Variants in GRAMD1B observed in about 807,000 individuals in gnomAD.
GRAMD1B encodes the protein GRAM domain containing 1B.
Under a neutral mutation model 99.7 loss-of-function variants are expected in GRAMD1B, and 37 were observed. The ratio of observed to expected loss-of-function variants is 0.37; its 90% CI spans 0.29 to 0.49. GRAMD1B has a LOEUF of 0.49. Among genes scored for constraint, GRAMD1B ranks in the 20% least tolerant of loss-of-function variants. The pLI is 0.98. For missense variants in GRAMD1B, 888 were observed against 1,009.2 expected (o/e 0.88, Z 1.63); for synonymous variants, 427 against 387.6 (o/e 1.10, Z -1.19).
rs1004895390 is a variant in GRAMD1B at position 123,480,978 on chromosome 11, T to C, written c.452+85T>C. 1.5e-5 allele frequency: 6 copies of C among 397,890 alleles called. No individual in the cohort carries two copies. In the Admixed American group the frequency reaches 1.8e-4, roughly 12 times the overall value. The allele number at this position is 397,890 out of a possible 1,614,324, so 24.6% of individuals were successfully genotyped here. ...TTTGAGGAAGATTGTGCCTCTGCTC[T>C]GTGCAAAAAAATGTGGAAAACTGAA... On this transcript the variant is annotated intron_variant, in intron 2 of 19. Coordinates refer to ENST00000635736, the MANE Select transcript of GRAMD1B (RefSeq NM_001387025.1).
Position 123,603,235 on chromosome 11 carries a change from C to T in GRAMD1B, c.1051-191C>T, listed in dbSNP as rs140922672. Reference sequence around the variant, plus strand: ...CAGTTCCTGGCTTTGTTAAAGTCCACATTCCTAGGCAGAAGACTGGTGTCC... The same window carrying T: ...CAGTTCCTGGCTTTGTTAAAGTCCATATTCCTAGGCAGAAGACTGGTGTCC... On this transcript the variant is annotated intron_variant, in intron 8 of 19. Transcript: ENST00000635736. Among the ~76,000 whole-genome samples the T allele has an allele frequency of 1.8e-3, 280 of 152,346 alleles. 1 individual carries two copies. Among genetic ancestry groups the T allele is most frequent in the Admixed American group, 0.013 (196 of 15,304 alleles).
chr11:123,609,878 C>G lies in GRAMD1B; in HGVS notation c.1741C>G (p.Leu581Val). The stretch of plus-strand genomic sequence containing the variant: ...TTACACCATCACCCTTACCAACCCT[C>G]TGGCTCCCAAAACTGCCACTGTCAG... ...ILYTITLTNP[L>V]APKTATVRET... is the part of the protein sequence containing the mutation. The change falls in exon 13 of 20, where the codon CTG (leucine) becomes GTG (valine). Residue 581 changes from leucine (L) to valine (V), a missense_variant. Around this residue, in one of 5 missense-constraint regions of GRAMD1B, gnomAD observed 92 missense variants for 156.9 expected, o/e 0.59. Coordinates refer to ENST00000635736, the MANE Select transcript of GRAMD1B (RefSeq NM_001387025.1). The G allele has an allele frequency of 6.3e-7, 1 of 1,598,136 alleles. No homozygotes were observed. Among genetic ancestry groups the G allele is most frequent in the Non-Finnish European group, 8.5e-7 (1 of 1,171,802 alleles).
chr11:123,565,034 CA>C (rs1247250917), intron 2 of GRAMD1B, among the ~76,000 whole-genome samples: 1 of 151,634 alleles, frequency 6.6e-6, no homozygotes, highest in Non-Finnish European at 1.5e-5. Context: ...AATGTAATTT[CA>C]TATTTTATTT....
chr11:123,583,430 T>G (rs1282367829), intron 3 of GRAMD1B, among the ~76,000 whole-genome samples: 1 of 151,914 alleles, frequency 6.6e-6, no homozygotes, highest in Non-Finnish European at 1.5e-5. Context: ...GTGTGTGTAC[T>G]TGTGTATTTG....
intron 1 of GRAMD1B, among the ~76,000 whole-genome samples, chr11:123,409,583 G>T (rs1947970228): frequency 6.6e-6 from 1 of 152,110 alleles, no homozygotes; most frequent in Non-Finnish European, 1.5e-5. Flanking sequence ...TTCGTCTTTG[G>T]TTTTTAAAAT....
chr11:123,619,289 G>C, intron 19 of GRAMD1B, 65 bp downstream of exon 19: 1 of 1,542,304 alleles, frequency 6.5e-7, no homozygotes, highest in South Asian at 1.2e-5. Context: ...CCCTTATGCT[G>C]TGAGAAAGAT....
intron 3 of GRAMD1B, among the ~76,000 whole-genome samples, chr11:123,582,625 G>A (rs894735184): frequency 6.6e-6 from 1 of 152,176 alleles, no homozygotes; most frequent in Non-Finnish European, 1.5e-5. Context: ...CCCCACCCAC[G>A]CGAGGCCCCT....
chr11:123,477,215 CT>C (rs1951325822), intron 1 of GRAMD1B, among the ~76,000 whole-genome samples: 1 of 16,244 alleles, frequency 6.2e-5, no homozygotes, highest in African/African-American at 6.3e-4. Flanking sequence ...CCCCTCCCCC[CT>C]CCCCCTCCTC....
At chr11:123,378,906 G>A (rs992191369) in intron 1 of GRAMD1B, among the ~76,000 whole-genome samples, 5 of 152,128 alleles carry the variant, frequency 3.3e-5, no homozygotes, top group Non-Finnish European at 5.9e-5. Context: ...AATGTAACAG[G>A]TGTGACAGGC....
chr11:123,361,887 T>G (rs1946158374), intron 1 of GRAMD1B, among the ~76,000 whole-genome samples: 1 of 152,206 alleles, frequency 6.6e-6, no homozygotes, highest in Non-Finnish European at 1.5e-5. Flanking sequence ...GAAAGTATCT[T>G]AGGAAACGGG....
At chr11:123,390,420 C>G (rs1034255501) in intron 1 of GRAMD1B, among the ~76,000 whole-genome samples, 5 of 152,182 alleles carry the variant, frequency 3.3e-5, no homozygotes, top group African/African-American at 1.2e-4. Context: ...CCTTGAATCC[C>G]TCTTCTCCTC....
intron 1 of GRAMD1B, among the ~76,000 whole-genome samples, chr11:123,433,563 A>G (rs138790977): frequency 6.6e-6 from 1 of 152,136 alleles, no homozygotes; most frequent in Admixed American, 6.5e-5. Context: ...TTGTGGTGTG[A>G]GGATCACATG....
chr11:123,604,420 A>G (rs1952423041), intron 9 of GRAMD1B, among the ~76,000 whole-genome samples: 1 of 152,222 alleles, frequency 6.6e-6, no homozygotes, highest in African/African-American at 2.4e-5. Context: ...GAAGTGAAGC[A>G]GAAGGTATTG....
intron 1 of GRAMD1B, among the ~76,000 whole-genome samples, chr11:123,423,950 C>T (rs1948553519): frequency 6.6e-6 from 1 of 152,154 alleles, no homozygotes; most frequent in Non-Finnish European, 1.5e-5. Flanking sequence ...TAAACGCCTC[C>T]TTTCTCCCCT....
chr11:123,504,880 C>T (rs1417211810), intron 2 of GRAMD1B, among the ~76,000 whole-genome samples: 1 of 152,124 alleles, frequency 6.6e-6, no homozygotes, highest in African/African-American at 2.4e-5. Context: ...TGGGGTTTCA[C>T]CATGTTGGCC....
At chr11:123,425,144 T>G (rs1248618844) in intron 1 of GRAMD1B, among the ~76,000 whole-genome samples, 1 of 152,220 alleles carries the variant, frequency 6.6e-6, no homozygotes, top group South Asian at 2.1e-4. Flanking sequence ...AGAAGTTAAA[T>G]AACTTAACCG....
intron 1 of GRAMD1B, among the ~76,000 whole-genome samples, chr11:123,466,161 A>G (rs1232955433): frequency 6.6e-6 from 1 of 152,046 alleles, no homozygotes; most frequent in Non-Finnish European, 1.5e-5. Flanking sequence ...CTGTTATATC[A>G]GCTACTTGGG....
intron 2 of GRAMD1B, among the ~76,000 whole-genome samples, chr11:123,503,684 G>C (rs754993656): frequency 1.8e-4 from 28 of 151,928 alleles, no homozygotes; most frequent in African/African-American, 2.7e-4. Context: ...GTAGCTGGGA[G>C]GACAGGCATG....
At chr11:123,538,229 C>A (rs1336836799) in intron 2 of GRAMD1B, among the ~76,000 whole-genome samples, 1 of 152,052 alleles carries the variant, frequency 6.6e-6, no homozygotes, top group Non-Finnish European at 1.5e-5. Context: ...AGCATTTTTT[C>A]ATTGTTCTTC....
Sources: allele counts gnomAD v4.1 joint callset (sites outside exome capture counted in the v4.1 genomes callset), GRCh38; gene constraint gnomAD v4.1.1; regional missense constraint gnomAD v4.1.1; transcripts MANE v1.5; gene names NCBI Gene and HGNC (gene_info 2026-07-23, HGNC 2026-07-21).